XPR1: variants seen among roughly 807,000 people sequenced by gnomAD.
XPR1 encodes xenotropic and polytropic retrovirus receptor 1.
Under a neutral mutation model 87.5 loss-of-function variants are expected in XPR1, and 28 were observed. The observed-to-expected ratio is 0.32, with a 90% CI of 0.24 to 0.44. The LOEUF (loss-of-function observed/expected upper bound fraction) is 0.44, where lower values mean the gene tolerates loss of function less well. Ranked by LOEUF, XPR1 falls within the 20% of genes least tolerant of loss-of-function variation. The probability of loss-of-function intolerance (pLI) is 1.00; values close to 1 mark genes in which losing one functional copy is unlikely to be tolerated. For missense variants in XPR1, 559 were observed against 862.3 expected, an observed-to-expected ratio of 0.65 and a Z score of 4.41; for synonymous variants, 300 against 306.1, an observed-to-expected ratio of 0.98 and a Z score of 0.21.
chr1:180,811,682 A>G (rs1208084535), intron 7 of XPR1, among the ~76,000 whole-genome samples, 194 bp downstream of exon 7: 2 of 151,974 alleles, frequency 1.3e-5, no homozygotes, highest in African/African-American at 2.4e-5. Context: ...CCATTTGGGT[A>G]TGGTTATTCT....
Position 180,803,625 on chromosome 1 carries a change from T to G in XPR1, c.447+14T>G. On this transcript the variant is annotated intron_variant, in intron 4 of 14. Transcript: ENST00000367590. ...CAGAACTATCAGGTACTTAGATTCT[T>G]ACCCTAGAAAATGGCACCTTTAAGT... The G allele has an allele frequency of 6.3e-7, 1 of 1,599,856 alleles. No individual in the cohort carries two copies. Among genetic ancestry groups the G allele is most frequent in the Admixed American group, 1.7e-5 (1 of 59,046 alleles).
intron 2 of XPR1, among the ~76,000 whole-genome samples, chr1:180,705,512 G>A (rs6692867): frequency 2.6e-5 from 4 of 152,094 alleles, no homozygotes; most frequent in Non-Finnish European, 5.9e-5. Flanking sequence ...TTGCTGTGCA[G>A]TTCCAAAATA....
In XPR1 at chr1:180,889,488, T is replaced by G. The variant is rs1022824596; in HGVS notation, c.*5422T>G. ...CCATCTCACTATCCCTTGATCATTA[T>G]CTCTGAAGTCCCTACCTGCACTTCC... On this transcript the variant is annotated 3_prime_UTR_variant, in exon 15 of 15. Coordinates refer to ENST00000367590, the MANE Select transcript of XPR1 (RefSeq NM_004736.4). 3 of 152,250 alleles carry G rather than the reference T, an allele frequency of 2.0e-5. No homozygotes were observed. The highest frequency in any genetic ancestry group is 4.4e-5 in the Non-Finnish European group (3 of 68,038). 9.4% of individuals were successfully genotyped at this position (152,250 alleles called of 1,614,324 possible).
intron 11 of XPR1, among the ~76,000 whole-genome samples, chr1:180,855,339 T>A (rs1349601193): frequency 1.3e-5 from 2 of 152,220 alleles, no homozygotes; most frequent in African/African-American, 2.4e-5. Context: ...TAACATATTA[T>A]TAAATTTTTT....
rs149236524 is a variant in XPR1 at position 180,880,173 on chromosome 1, G to A, written c.1906G>A (p.Ala636Thr). The change falls in exon 14 of 15, where the codon GCA (alanine) becomes ACA (threonine). Residue 636 changes from alanine (A) to threonine (T), a missense_variant. Physicochemically the swap from Ala to Thr is moderately conservative, Grantham distance 58 (BLOSUM62 0). Coordinates refer to ENST00000367590, the MANE Select transcript of XPR1 (RefSeq NM_004736.4). ...VRDISVAPLNADDQTLLEQMM... is the reference protein window; with the variant it reads ...VRDISVAPLNTDDQTLLEQMM... ...GGACATCTCTGTGGCCCCCCTGAACGCAGATGATCAGACTCTCCTAGAACA... is the reference window on the plus strand; with the variant it reads ...GGACATCTCTGTGGCCCCCCTGAACACAGATGATCAGACTCTCCTAGAACA... 4.3e-6 allele frequency: 7 copies of A among 1,614,034 alleles called. No homozygotes were observed. Among genetic ancestry groups the A allele is most frequent in the African/African-American group, 1.3e-5 (1 of 74,904 alleles).
intron 2 of XPR1, among the ~76,000 whole-genome samples, chr1:180,737,346 A>G (rs1658759981): frequency 1.3e-5 from 2 of 152,190 alleles, no homozygotes; most frequent in Admixed American, 1.3e-4. Flanking sequence ...GGCTATGTAT[A>G]CCTATTATAA....
intron 2 of XPR1, 51 bp from the exon 3 acceptor site, chr1:180,787,702 C>A: frequency 7.8e-7 from 1 of 1,281,432 alleles, no homozygotes; most frequent in Non-Finnish European, 1.1e-6. Context: ...CCTTAGTTTT[C>A]TCAATTGGCC....
At chr1:180,642,545 A>G (rs1027115197) in intron 1 of XPR1, among the ~76,000 whole-genome samples, 9 of 152,108 alleles carry the variant, frequency 5.9e-5, no homozygotes, top group African/African-American at 9.7e-5. Flanking sequence ...TGTTATCCCC[A>G]TTATAAGAAG....
At chr1:180,848,147 C>T (rs1315949291) in intron 11 of XPR1, among the ~76,000 whole-genome samples, 12 of 152,170 alleles carry the variant, frequency 7.9e-5, no homozygotes, top group Admixed American at 7.9e-4. Context: ...GGATATCCAT[C>T]TCAAACATTT....
intron 2 of XPR1, among the ~76,000 whole-genome samples, chr1:180,724,100 C>T (rs542852480): frequency 1.1e-3 from 164 of 152,026 alleles, no homozygotes; most frequent in African/African-American, 3.8e-3. Flanking sequence ...AGCTATGGTC[C>T]TATAGGGGAG....
chr1:180,691,130 G>GT (rs1325297774), intron 2 of XPR1, among the ~76,000 whole-genome samples: 1 of 151,970 alleles, frequency 6.6e-6, no homozygotes, highest in Admixed American at 6.6e-5. Flanking sequence ...AATTTTAAAG[G>GT]TTTTTTGTTT....
intron 13 of XPR1, among the ~76,000 whole-genome samples, chr1:180,875,188 C>T (rs1204004260): frequency 1.3e-5 from 2 of 152,070 alleles, no homozygotes; most frequent in African/African-American, 2.4e-5. Context: ...CTGATAACCC[C>T]AGGTCAAAAT....
At chr1:180,781,666 T>G (rs1012254857) in intron 2 of XPR1, among the ~76,000 whole-genome samples, 3 of 151,930 alleles carry the variant, frequency 2.0e-5, no homozygotes, top group African/African-American at 7.2e-5. Flanking sequence ...TTGCTTTTTT[T>G]TAAAATTTTA....
At chr1:180,879,865 T>A (rs1386684421) in intron 13 of XPR1, among the ~76,000 whole-genome samples, 1 of 152,146 alleles carries the variant, frequency 6.6e-6, no homozygotes, top group Non-Finnish European at 1.5e-5. Context: ...CTGCATTGCA[T>A]AAGTCCCTCC....
intron 2 of XPR1, among the ~76,000 whole-genome samples, chr1:180,767,855 T>G (rs1388765451): frequency 6.6e-6 from 1 of 152,116 alleles, no homozygotes; most frequent in African/African-American, 2.4e-5. Context: ...GAAACTTTTT[T>G]TTTTTTTGAG....
intron 3 of XPR1, 21 bp downstream of exon 3, chr1:180,787,875 T>C (rs777693265): frequency 2.6e-6 from 4 of 1,539,994 alleles, no homozygotes; most frequent in Non-Finnish European, 3.6e-6. Context: ...AAGAGACTTT[T>C]TTTTTTGCTG....
At chr1:180,789,419 C>T (rs1649296867) in intron 3 of XPR1, among the ~76,000 whole-genome samples, 1 of 147,312 alleles carries the variant, frequency 6.8e-6, no homozygotes, top group African/African-American at 2.7e-5. Flanking sequence ...ATACTAAAAC[C>T]TAATACGAGT....
intron 1 of XPR1, among the ~76,000 whole-genome samples, chr1:180,643,775 TGAA>T (rs1199879192): frequency 6.6e-6 from 1 of 152,090 alleles, no homozygotes; most frequent in Middle Eastern, 3.2e-3. Flanking sequence ...GGAAGAGGGT[TGAA>T]GAAGAAGAGT....
At chr1:180,753,861 C>A (rs1368363843) in intron 2 of XPR1, among the ~76,000 whole-genome samples, 1 of 152,176 alleles carries the variant, frequency 6.6e-6, no homozygotes, top group Non-Finnish European at 1.5e-5. Flanking sequence ...ATTTTCACAA[C>A]TGCTGTTCTT....
Sources: gnomAD v4.1 joint callset for allele counts (sites outside exome capture counted in the v4.1 genomes callset) on GRCh38, gnomAD v4.1.1 for gene constraint, MANE v1.5 for transcripts, NCBI Gene and HGNC (gene_info 2026-07-23, HGNC 2026-07-21) for gene names.